BTRC: variants seen among roughly 807,000 people sequenced by gnomAD.
The protein encoded by BTRC is F-box/WD repeat-containing protein 1A.
A neutral mutation model predicts 85.5 loss-of-function variants in BTRC; 42 were observed. That is an observed-to-expected ratio of 0.49 (90% CI 0.38 to 0.64). The LOEUF is 0.64. BTRC is among the 30% of genes least tolerant of loss of function. The pLI, the probability that BTRC is intolerant of heterozygous loss-of-function variation, is 0.00. For synonymous variants in BTRC, 255 were observed against 263.3 expected, an observed-to-expected ratio of 0.97 and a Z score of 0.30; for missense variants, 594 against 743.5, an observed-to-expected ratio of 0.80 and a Z score of 2.34.
intron 4 of BTRC, among the ~76,000 whole-genome samples, chr10:101,491,396 C>G (rs1946129088): frequency 6.6e-6 from 1 of 152,040 alleles, no homozygotes. Context: ...TTAATTTTGT[C>G]AATTAAAAAT....
rs1388904460 is a variant in BTRC, at chr10:101,534,613, A to T, written c.1098-48A>T. The stretch of plus-strand genomic sequence containing the variant: ...GGGCGCATGATGGTCAAATATAGGT[A>T]ACAGATTGTAGCTTGAGTACCATCT... On this transcript the variant is annotated intron_variant, in intron 9 of 14. Coordinates refer to ENST00000370187, the MANE Select transcript of BTRC (RefSeq NM_033637.4). 5 of 1,608,252 alleles carry T rather than the reference A, an allele frequency of 3.1e-6. No individual in the cohort carries two copies. In the South Asian group the frequency reaches 5.5e-5, roughly 18 times the overall value.
rs917507758 is a variant in BTRC at position 101,555,669 on chromosome 10, A to G, written c.*2546A>G. On this transcript the variant is annotated 3_prime_UTR_variant, in exon 15 of 15. Coordinates refer to ENST00000370187, the MANE Select transcript of BTRC (RefSeq NM_033637.4). Reference sequence around the variant, plus strand: ...ATTTCAGTGGGAATTGATTATCACTAATCCCCAACTGGGCTAGAATAAATG... The same window carrying G: ...ATTTCAGTGGGAATTGATTATCACTGATCCCCAACTGGGCTAGAATAAATG... The G allele has an allele frequency of 1.3e-5, 2 of 152,670 alleles. No homozygotes were observed. Among genetic ancestry groups the G allele is most frequent in the Non-Finnish European group, 2.9e-5 (2 of 68,050 alleles). The allele number at this position is 152,670 out of a possible 1,614,324, so 9.5% of individuals were successfully genotyped here.
intron 13 of BTRC, among the ~76,000 whole-genome samples, chr10:101,547,568 G>A (rs554070182): frequency 1.1e-3 from 165 of 151,682 alleles, no homozygotes; most frequent in African/African-American, 3.5e-3. Flanking sequence ...CTCAAACTCC[G>A]GACCTCATGA....
At chr10:101,460,567 G>A (rs1326810016) in intron 2 of BTRC, among the ~76,000 whole-genome samples, 1 of 152,112 alleles carries the variant, frequency 6.6e-6, no homozygotes, top group Non-Finnish European at 1.5e-5. Flanking sequence ...AGATATTTCT[G>A]CCCAAAAGAA....
intron 12 of BTRC, among the ~76,000 whole-genome samples, chr10:101,537,520 T>A (rs1399361998): frequency 6.6e-6 from 1 of 152,170 alleles, no homozygotes; most frequent in Non-Finnish European, 1.5e-5. Context: ...AGAGCGAGAC[T>A]CCGTCTCAAA....
chr10:101,505,513 A>G (rs1294376974), intron 4 of BTRC, among the ~76,000 whole-genome samples: 1 of 151,570 alleles, frequency 6.6e-6, no homozygotes, highest in Non-Finnish European at 1.5e-5. Context: ...CCAGCTGCTC[A>G]GGAAGCTGAG....
chr10:101,506,055 C>T (rs1422166576), intron 4 of BTRC, among the ~76,000 whole-genome samples: 1 of 152,004 alleles, frequency 6.6e-6, no homozygotes, highest in Non-Finnish European at 1.5e-5. Flanking sequence ...CTGGGACTAC[C>T]GGTGCCGGCC....
intron 1 of BTRC, among the ~76,000 whole-genome samples, chr10:101,406,486 G>A (rs181923434): frequency 1.4e-5 from 2 of 139,344 alleles, no homozygotes; most frequent in Non-Finnish European, 3.1e-5. Context: ...TCTTTGTTCC[G>A]AGGTAAACTT....
At chr10:101,415,116 A>G (rs1278081224) in intron 1 of BTRC, among the ~76,000 whole-genome samples, 1 of 152,134 alleles carries the variant, frequency 6.6e-6, no homozygotes, top group African/African-American at 2.4e-5. Context: ...CACCCAGAGC[A>G]ACTTGCAATC....
intron 1 of BTRC, among the ~76,000 whole-genome samples, chr10:101,355,266 G>A (rs1300328546): frequency 2.0e-5 from 3 of 152,180 alleles, no homozygotes; most frequent in Non-Finnish European, 4.4e-5. Flanking sequence ...GAGGTTGGTA[G>A]AGGGAAGTAA....
At chr10:101,414,690 C>T (rs776810048) in intron 1 of BTRC, 1 of 516,136 alleles carries the variant, frequency 1.9e-6, no homozygotes, top group South Asian at 1.4e-5. Flanking sequence ...AGGTAGAAGA[C>T]AGTGATATTG....
intron 6 of BTRC, among the ~76,000 whole-genome samples, chr10:101,527,256 AT>A (rs1359952379): frequency 4.6e-5 from 7 of 152,152 alleles, no homozygotes; most frequent in African/African-American, 1.7e-4. Context: ...TTTCCTTTGA[AT>A]TTTCATGAAA....
chr10:101,511,130 G>A (rs981259653), intron 4 of BTRC, among the ~76,000 whole-genome samples: 1 of 152,124 alleles, frequency 6.6e-6, no homozygotes, highest in Non-Finnish European at 1.5e-5. Flanking sequence ...AACTCTGTAG[G>A]ATGGCCTAGA....
At chr10:101,473,830 T>A (rs1194949928) in intron 3 of BTRC, among the ~76,000 whole-genome samples, 1 of 152,126 alleles carries the variant, frequency 6.6e-6, no homozygotes, top group Non-Finnish European at 1.5e-5. Flanking sequence ...ACTCCTGAGC[T>A]CAAGCTATCC....
At chr10:101,420,574 C>G (rs988691153) in intron 1 of BTRC, among the ~76,000 whole-genome samples, 1 of 152,110 alleles carries the variant, frequency 6.6e-6, no homozygotes, top group Non-Finnish European at 1.5e-5. Context: ...TGTTACAGTT[C>G]CTACGTGGTA....
chr10:101,512,720 C>T (rs1282113349), intron 4 of BTRC, among the ~76,000 whole-genome samples: 3 of 152,154 alleles, frequency 2.0e-5, no homozygotes, highest in Admixed American at 6.5e-5. Context: ...AATATGTTTT[C>T]GGAGAGGAAA....
At chr10:101,528,311 T>C (rs1157780546) in intron 6 of BTRC, among the ~76,000 whole-genome samples, 1 of 152,170 alleles carries the variant, frequency 6.6e-6, no homozygotes, top group East Asian at 1.9e-4. Flanking sequence ...ATGCCAAAGG[T>C]AAAAGGCTCC....
chr10:101,482,322 A>G (rs961180923), intron 4 of BTRC, among the ~76,000 whole-genome samples: 8 of 151,034 alleles, frequency 5.3e-5, no homozygotes, highest in Non-Finnish European at 1.2e-4. Flanking sequence ...TGCCTGGCCA[A>G]GTTTTTTCTT....
At chr10:101,428,989 G>T (rs1319218340) in intron 1 of BTRC, among the ~76,000 whole-genome samples, 1 of 152,114 alleles carries the variant, frequency 6.6e-6, no homozygotes, top group African/African-American at 2.4e-5. Flanking sequence ...ATCAATTTTA[G>T]ATGGTGTAAA....
Sources: allele counts gnomAD v4.1 joint callset (sites outside exome capture counted in the v4.1 genomes callset), GRCh38; gene constraint gnomAD v4.1.1; transcripts MANE v1.5; gene names NCBI Gene and HGNC (gene_info 2026-07-23, HGNC 2026-07-21).